RBFOX1: variants seen among roughly 807,000 people sequenced by gnomAD.
RBFOX1 encodes the protein RNA binding protein fox-1 homolog 1.
In RBFOX1, 8 loss-of-function variants were observed where a neutral mutation model predicts 57.7. The ratio of observed to expected loss-of-function variants is 0.14; its 90% CI spans 0.08 to 0.25. The LOEUF (loss-of-function observed/expected upper bound fraction) is 0.25, where lower values mean the gene tolerates loss of function less well. Among genes scored for constraint, RBFOX1 ranks in the 10% least tolerant of loss-of-function variants. The pLI is 1.00. For missense variants in RBFOX1, 611 were observed against 548.5 expected (o/e 1.11, Z -1.14); for synonymous variants, 326 against 222.4 (o/e 1.47, Z -4.15).
intron 3 of RBFOX1, among the ~76,000 whole-genome samples, chr16:6,683,792 A>G (rs527615841): frequency 1.3e-5 from 2 of 152,286 alleles, no homozygotes; most frequent in African/African-American, 2.4e-5. Flanking sequence ...CTGGATTGCA[A>G]TCCTCCTTCC....
At chr16:7,188,674 C>T (rs1430900597) in intron 4 of RBFOX1, among the ~76,000 whole-genome samples, 4 of 152,140 alleles carry the variant, frequency 2.6e-5, no homozygotes, top group Non-Finnish European at 5.9e-5. Context: ...TTGAACATGT[C>T]CTGCAGCAGG....
intron 2 of RBFOX1, among the ~76,000 whole-genome samples, chr16:6,436,746 G>A (rs1055286823): frequency 6.6e-6 from 1 of 151,948 alleles, no homozygotes; most frequent in Admixed American, 6.6e-5. Context: ...CACAGTTTCC[G>A]AGATGTAGTA....
chr16:6,487,673 TAAAAAA>T lies in RBFOX1; in HGVS notation c.-63-166907_-63-166902del, dbSNP rs777856402. Among the ~76,000 whole-genome samples, 155 of 38,684 alleles carry T rather than the reference TAAAAAA, an allele frequency of 4.0e-3. 3 individuals carry two copies. Among genetic ancestry groups the T allele is most frequent in the African/African-American group, 0.018 (133 of 7,450 alleles). 25.4% of individuals were successfully genotyped at this position (38,684 alleles called of 152,430 possible). On this transcript the variant is annotated intron_variant, in intron 2 of 15. Transcript: ENST00000550418. ...CTTCCAAAGATGGCAGTGATATATG[TAAAAAA>T]AAAAAAAAAAAAAAAAAAAAAATAT... is the stretch of plus-strand genomic sequence containing the variant.
chr16:5,897,951 C>G (rs1390753519), intron 4 of RBFOX1, among the ~76,000 whole-genome samples: 2 of 150,806 alleles, frequency 1.3e-5, no homozygotes, highest in East Asian at 3.9e-4. Flanking sequence ...GTAATGACTT[C>G]TGGGTATGTA....
rs952783876 is a variant in RBFOX1, at chr16:5,396,932, A to G, written c.220-70284A>G. The stretch of plus-strand genomic sequence containing the variant: ...GGAGATCCACCTTGTCCAGAATCCT[A>G]TCAGACACCCCTGGATATGTTTATA... On this transcript the variant is annotated intron_variant, in intron 1 of 2. Coordinates refer to the RBFOX1 transcript ENST00000585867. Among the ~76,000 whole-genome samples, 18 of 152,312 alleles carry G rather than the reference A, an allele frequency of 1.2e-4. No individual in the cohort carries two copies. In the South Asian group the frequency reaches 1.9e-3, roughly 16 times the overall value.
chr16:5,336,482 A>G (rs1293032810), intron 1 of RBFOX1, among the ~76,000 whole-genome samples: 3 of 152,152 alleles, frequency 2.0e-5, no homozygotes, highest in Non-Finnish European at 4.4e-5. Flanking sequence ...GGGGGTGCTG[A>G]TCCTTCTCCA....
chr16:7,072,586 T>G (rs2057547252), intron 4 of RBFOX1, among the ~76,000 whole-genome samples: 1 of 152,212 alleles, frequency 6.6e-6, no homozygotes, highest in Non-Finnish European at 1.5e-5. Context: ...ACCAATAACA[T>G]AATCTGGCTA....
intron 3 of RBFOX1, among the ~76,000 whole-genome samples, chr16:5,730,369 G>A (rs1179408346): frequency 1.3e-5 from 2 of 152,178 alleles, no homozygotes; most frequent in Non-Finnish European, 2.9e-5. Context: ...TGAGCCTAGA[G>A]TGGAGCCGGC....
At chr16:6,948,375 C>CTTTTTTTTTTTTTTTTTTTTTTTTTTTTT (rs968186299) in intron 3 of RBFOX1, among the ~76,000 whole-genome samples, 1 of 67,964 alleles carries the variant, frequency 1.5e-5, no homozygotes. Context: ...TTCTCCCTTT[C>CTTTTTTTTTTTTTTTTTTTTTTTTTTTTT]TTTTTTTTTT....
intron 1 of RBFOX1, among the ~76,000 whole-genome samples, chr16:6,076,293 C>A (rs1196355233): frequency 7.7e-6 from 1 of 130,056 alleles, no homozygotes; most frequent in Non-Finnish European, 1.8e-5. Context: ...GAGCAAAACT[C>A]TGTCTCAAAA....
rs572287636 is a variant in RBFOX1, at chr16:6,854,702, C to T, written c.-15-197355C>T. On this transcript the variant is annotated intron_variant, in intron 3 of 15. Coordinates refer to ENST00000550418, the MANE Select transcript of RBFOX1 (RefSeq NM_018723.4). ...CTCCGCCTCCTGGGTTCAAGTCGTT[C>T]TCCTGCGTCAGCCTCCCGAGTAGCT... 9.0e-5 allele frequency among the ~76,000 whole-genome samples: 13 copies of T among 144,554 alleles called. 1 individual carries two copies. In the South Asian group the frequency reaches 1.8e-3, roughly 20 times the overall value. 94.8% of individuals were successfully genotyped at this position (144,554 alleles called of 152,430 possible).
At chr16:6,924,551 A>T (rs569782379) in intron 3 of RBFOX1, among the ~76,000 whole-genome samples, 4 of 152,080 alleles carry the variant, frequency 2.6e-5, no homozygotes. Flanking sequence ...TCAACATGAG[A>T]TTTAGAGAGG....
rs928363237 is a variant in RBFOX1, at chr16:7,701,299, G to A, written c.996-7757G>A. 8.9e-4 allele frequency among the ~76,000 whole-genome samples: 136 copies of A among 152,286 alleles called. 1 individual carries two copies. Among genetic ancestry groups the A allele is most frequent in the African/African-American group, 3.2e-3 (134 of 41,556 alleles). On this transcript the variant is annotated intron_variant, in intron 14 of 15. Transcript: ENST00000550418. ...TCCCCAACTGGACACACAGCAGGTG[G>A]TGAGCGGGGTGGGGGGTGAGCAACG...
chr16:5,637,004 C>A lies in RBFOX1; in HGVS notation c.318+38043C>A, dbSNP rs76584680. On this transcript the variant is annotated intron_variant, in intron 3 of 19. Transcript: ENST00000641259. ...TTGTTCTTCTTGTGGGAGTTCGGGC[C>A]CCTCAGGCTTCAAGGGGTGAAGCTC... Among the ~76,000 whole-genome samples the A allele has an allele frequency of 2.7e-3, 406 of 152,252 alleles. 8 individuals carry two copies. In the East Asian group the frequency reaches 0.047, roughly 18 times the overall value.
intron 3 of RBFOX1, among the ~76,000 whole-genome samples, chr16:6,961,516 G>C (rs2083008521): frequency 6.6e-6 from 1 of 152,222 alleles, no homozygotes. Flanking sequence ...ATCAGAGCGA[G>C]TCCGTAAAGT....
intron 14 of RBFOX1, among the ~76,000 whole-genome samples, chr16:7,686,943 A>AT (rs2076190568): frequency 6.6e-6 from 1 of 152,088 alleles, no homozygotes; most frequent in Non-Finnish European, 1.5e-5. Context: ...TTTTGGTAGA[A>AT]TAGCCAAACT....
At chr16:6,148,087 G>A (rs1221887391) in intron 1 of RBFOX1, among the ~76,000 whole-genome samples, 2 of 152,206 alleles carry the variant, frequency 1.3e-5, no homozygotes, top group African/African-American at 2.4e-5. Flanking sequence ...CCAGCACTTC[G>A]GGAGGCCGAG....
At chr16:7,110,278 C>A (rs575980728) in intron 4 of RBFOX1, among the ~76,000 whole-genome samples, 1 of 151,802 alleles carries the variant, frequency 6.6e-6, no homozygotes, top group Non-Finnish European at 1.5e-5. Flanking sequence ...GAAGGATCCC[C>A]GGAACCTAGG....
chr16:5,818,306 G>T (rs758981508), intron 3 of RBFOX1, among the ~76,000 whole-genome samples: 4 of 152,210 alleles, frequency 2.6e-5, no homozygotes, highest in Admixed American at 6.5e-5. Context: ...CGGCAGGAAA[G>T]CCTGAGTTTC....
Sources: gnomAD v4.1 joint callset for allele counts (sites outside exome capture counted in the v4.1 genomes callset) on GRCh38, gnomAD v4.1.1 for gene constraint, MANE v1.5 for transcripts, NCBI Gene and HGNC (gene_info 2026-07-23, HGNC 2026-07-21) for gene names.